Variants in LUC7L observed in about 807,000 individuals in gnomAD.
LUC7L encodes LUC7 like, also known as putative RNA-binding protein Luc7-like 1.
In LUC7L, 29 loss-of-function variants were observed where a neutral mutation model predicts 51.1. That is an observed-to-expected ratio of 0.57 (90% CI 0.42 to 0.77). LUC7L has a LOEUF of 0.77. Among genes scored for constraint, LUC7L ranks in the 30% least tolerant of loss-of-function variants. LUC7L has a pLI of 0.00. For synonymous variants in LUC7L, 181 were observed against 180.7 expected (o/e 1.00, Z -0.01); for missense variants, 403 against 511.9 (o/e 0.79, Z 2.05).
At chr16:228,974 T>C in intron 1 of LUC7L, 1 of 1,428,722 alleles carries the variant, frequency 7.0e-7, no homozygotes, top group Non-Finnish European at 9.3e-7. Flanking sequence ...ACTCCACAGT[T>C]CGCGGAGGGG....
At chr16:226,485 T>G in intron 2 of LUC7L, among the ~76,000 whole-genome samples, 1 of 152,244 alleles carries the variant, frequency 6.6e-6, no homozygotes, top group East Asian at 1.9e-4. Context: ...GTTTTGTTCA[T>G]CTGAAGTGAA....
chr16:192,280 T>C (rs1048265445), intron 7 of LUC7L, among the ~76,000 whole-genome samples: 1 of 152,040 alleles, frequency 6.6e-6, no homozygotes, highest in African/African-American at 2.4e-5. Flanking sequence ...CTCCCCAAGG[T>C]CCTGCTGCTT....
intron 5 of LUC7L, among the ~76,000 whole-genome samples, chr16:205,275 G>A (rs539775540): frequency 2.6e-5 from 4 of 152,078 alleles, no homozygotes; most frequent in Admixed American, 6.6e-5. Flanking sequence ...TCAGCCTCCC[G>A]AACAGCTGAG....
chr16:200,863 C>A (rs1208640669), intron 5 of LUC7L, among the ~76,000 whole-genome samples: 1 of 151,972 alleles, frequency 6.6e-6, no homozygotes, highest in Non-Finnish European at 1.5e-5. Context: ...GCCTGGGTGA[C>A]CCTGGCTGAC....
rs530662259 is a variant in LUC7L, at chr16:218,766, A to C, written c.255+1883T>G. Among the ~76,000 whole-genome samples the C allele has an allele frequency of 1.8e-3, 268 of 151,972 alleles. 5 individuals are homozygous for C. Among genetic ancestry groups the C allele is most frequent in the Non-Finnish European group, 3.7e-4 (25 of 67,944 alleles). On this transcript the variant is annotated intron_variant, in intron 3 of 9. Transcript: ENST00000293872. ...CTTAAAAGGCTCCACTGGGGGCAAC[A>C]ACGAAAAAAAGCTGAAAAATGCTAC...
In LUC7L at chr16:223,917, C is replaced by T. The variant is rs896770275; in HGVS notation, c.157-3170G>A. On this transcript the variant is annotated intron_variant, in intron 2 of 9. Transcript: ENST00000293872. ...AAACTCCTGACCTCAAGTGATCCAC[C>T]CGCCTCCTCCTCCTCCTCCCGAAGT... Among the ~76,000 whole-genome samples, 17 of 152,050 alleles carry T rather than the reference C, an allele frequency of 1.1e-4. No individual in the cohort carries two copies. The South Asian group carries it at 3.5e-3, about 32-fold the overall frequency.
In LUC7L at chr16:203,973, G is replaced by A. The variant is rs1179374432; in HGVS notation, c.510+2031C>T. On this transcript the variant is annotated intron_variant, in intron 5 of 9. Coordinates refer to ENST00000293872, the MANE Select transcript of LUC7L (RefSeq NM_201412.3). ...GGAGGTTGCAGTGAGCCGAGATCACGCCACTGCACTCCAGCCTGGGCGAAT... is the reference window on the plus strand; with the variant it reads ...GGAGGTTGCAGTGAGCCGAGATCACACCACTGCACTCCAGCCTGGGCGAAT... Among the ~76,000 whole-genome samples, 5 of 151,926 alleles carry A rather than the reference G, an allele frequency of 3.3e-5. 1 individual carries two copies. Among genetic ancestry groups the A allele is most frequent in the Admixed American group, 3.3e-4 (5 of 15,236 alleles).
chr16:199,854 G>A (rs1407711783), intron 5 of LUC7L, among the ~76,000 whole-genome samples: 1 of 151,846 alleles, frequency 6.6e-6, no homozygotes, highest in African/African-American at 2.4e-5. Flanking sequence ...GCTGGGTGTG[G>A]TGGCACATGC....
At position 189,495 on chromosome 16, in the gene LUC7L, T is replaced by C. The variant is rs370686361; in HGVS notation, c.975-156A>G. 403 of 1,419,822 alleles carry C rather than the reference T, an allele frequency of 2.8e-4. 4 individuals are homozygous for C. The South Asian group carries it at 5.7e-3, about 20-fold the overall frequency. The allele number at this position is 1,419,822 out of a possible 1,614,324, so 88.0% of individuals were successfully genotyped here. ...AGGCCAACCAGACTTGCCCACCACA[T>C]ATGGAGTGTTAGATAGCCATTAAAA... is the stretch of plus-strand genomic sequence containing the variant. On this transcript the variant is annotated intron_variant, in intron 9 of 9. Coordinates refer to ENST00000293872, the MANE Select transcript of LUC7L (RefSeq NM_201412.3).
chr16:202,212 A>G, intron 5 of LUC7L, among the ~76,000 whole-genome samples: 1 of 149,356 alleles, frequency 6.7e-6, no homozygotes, highest in East Asian at 2.0e-4. Flanking sequence ...AGAAGGCAGC[A>G]AAAGGGGAGT....
intron 6 of LUC7L, among the ~76,000 whole-genome samples, chr16:196,896 A>C (rs550490522): frequency 2.1e-5 from 3 of 143,808 alleles, no homozygotes; most frequent in East Asian, 4.2e-4. Flanking sequence ...GGATACAGAT[A>C]CTTTTACATC....
chr16:215,314 T>C (rs1357368943), intron 3 of LUC7L, among the ~76,000 whole-genome samples: 3 of 151,282 alleles, frequency 2.0e-5, no homozygotes, highest in Non-Finnish European at 2.9e-5. Flanking sequence ...GGTGAAACCC[T>C]GCCTACTGAA....
At chr16:229,243 C>T (rs1009166050) in intron 1 of LUC7L, 36 bp downstream of exon 1, 2 of 1,527,532 alleles carry the variant, frequency 1.3e-6, no homozygotes, top group Admixed American at 2.0e-5. Flanking sequence ...CTCACTCCCA[C>T]CCCAGACCCT....
intron 2 of LUC7L, among the ~76,000 whole-genome samples, chr16:224,375 C>T (rs1410898034): frequency 3.4e-5 from 5 of 148,446 alleles, no homozygotes; most frequent in African/African-American, 5.0e-5. Context: ...AAAAATTAGC[C>T]GGGTGTGGTA....
intron 5 of LUC7L, among the ~76,000 whole-genome samples, chr16:203,111 G>A (rs950547228): frequency 7.2e-5 from 11 of 152,124 alleles, no homozygotes; most frequent in Admixed American, 2.6e-4. Context: ...TCGCACCACC[G>A]CACTCCAGCC....
chr16:192,922 C>T lies in LUC7L; in HGVS notation c.776+5G>A. On this transcript the variant is annotated splice_donor_5th_base_variant and intron_variant, in intron 7 of 9. Coordinates refer to ENST00000293872, the MANE Select transcript of LUC7L (RefSeq NM_201412.3). ...AGGCCATCCAGTGCCAGCCCTCAGG[C>T]TCACCTCCTGCTCAGACGCTCCTCC... The T allele has an allele frequency of 1.2e-6, 2 of 1,611,866 alleles. No homozygotes were observed. Among genetic ancestry groups the T allele is most frequent in the East Asian group, 4.5e-5 (2 of 44,872 alleles).
At chr16:199,562 C>T (rs1021867770) in intron 5 of LUC7L, among the ~76,000 whole-genome samples, 2 of 150,910 alleles carry the variant, frequency 1.3e-5, no homozygotes, top group Admixed American at 6.6e-5. Context: ...ACCTGAGGTC[C>T]GGAGTTCAAG....
chr16:214,133 T>C (rs927945541), intron 3 of LUC7L, among the ~76,000 whole-genome samples: 2 of 152,104 alleles, frequency 1.3e-5, no homozygotes, highest in Admixed American at 1.3e-4. Flanking sequence ...AATGGCACGA[T>C]CTCGGCTCAC....
Position 229,375 on chromosome 16 carries a change from A to G in LUC7L, c.-36T>C, listed in dbSNP as rs1056737283. ...GGAGGCGACGGGGTCGGCCGCGACG[A>G]CTTCTCTCAGGCAGGCGGTGGCAGC... On this transcript the variant is annotated 5_prime_UTR_variant, in exon 1 of 10. Transcript: ENST00000293872. 2 of 1,482,464 alleles carry G rather than the reference A, an allele frequency of 1.3e-6. No homozygotes were observed. The highest frequency in any genetic ancestry group is 1.4e-5 in the African/African-American group (1 of 69,150). 91.8% of individuals were successfully genotyped at this position (1,482,464 alleles called of 1,614,324 possible).
Sources: allele counts gnomAD v4.1 joint callset (sites outside exome capture counted in the v4.1 genomes callset), GRCh38; gene constraint gnomAD v4.1.1; transcripts MANE v1.5; gene names NCBI Gene and HGNC (gene_info 2026-07-23, HGNC 2026-07-21).